Variants in PKHD1 observed in about 807,000 individuals in gnomAD.
The protein encoded by PKHD1 is PKHD1 ciliary IPT domain containing fibrocystin/polyductin.
Under a neutral mutation model 412.0 loss-of-function variants are expected in PKHD1, and 291 were observed. The observed-to-expected ratio is 0.71, with a 90% confidence interval of 0.64 to 0.78. The LOEUF (loss-of-function observed/expected upper bound fraction) is 0.78. PKHD1 is among the 30% of genes least tolerant of loss of function. The pLI is 0.00. For missense variants in PKHD1, 4,825 were observed against 4,950.7 expected (o/e 0.97, Z 0.76); for synonymous variants, 1,777 against 1,821.5 (o/e 0.98, Z 0.62).
At chr6:52,069,599 T>C (rs1810292296) in intron 10 of PKHD1, 72 bp from the exon 11 acceptor site, 2 of 1,125,452 alleles carry the variant, frequency 1.8e-6, no homozygotes, top group Admixed American at 1.7e-5. Context: ...GTCGGCTGCC[T>C]GAAAGGAAGA....
At chr6:51,851,749 G>A (rs1772289679) in intron 49 of PKHD1, among the ~76,000 whole-genome samples, 1 of 152,056 alleles carries the variant, frequency 6.6e-6, no homozygotes, top group African/African-American at 2.4e-5. Context: ...GGGGTCAGTG[G>A]TGATATCCCT....
intron 50 of PKHD1, among the ~76,000 whole-genome samples, chr6:51,838,050 T>A (rs12526340): frequency 0.053 from 8,062 of 152,294 alleles, 224 homozygotes; most frequent in South Asian, 0.075. Context: ...CAAGGTGTCA[T>A]TTCCTTTTTT....
intron 2 of PKHD1, among the ~76,000 whole-genome samples, chr6:52,084,209 C>G (rs1367578397): frequency 6.6e-6 from 1 of 152,232 alleles, no homozygotes; most frequent in Non-Finnish European, 1.5e-5. Flanking sequence ...TTAGAAGAAA[C>G]TGTGTCTAGC....
chr6:51,816,904 T>C (rs1270963383), intron 52 of PKHD1, among the ~76,000 whole-genome samples: 1 of 152,222 alleles, frequency 6.6e-6, no homozygotes, highest in South Asian at 2.1e-4. Context: ...GGTTTTTCTT[T>C]GAAAATACCC....
chr6:51,714,974 A>G (rs1466271401), intron 60 of PKHD1, among the ~76,000 whole-genome samples: 18 of 151,832 alleles, frequency 1.2e-4, no homozygotes, highest in Admixed American at 1.1e-3. Flanking sequence ...TTTTATTGGA[A>G]TTTTCACAAA....
chr6:51,748,397 C>A lies in PKHD1; in HGVS notation c.9219G>T (p.Trp3073Cys), dbSNP rs761075492. The A allele has an allele frequency of 4.3e-6, 7 of 1,614,040 alleles. No individual in the cohort carries two copies. The highest frequency in any genetic ancestry group is 5.9e-6 in the Non-Finnish European group (7 of 1,179,942). The change falls in exon 58 of 67, where the codon TGG becomes TGT. Residue 3073 changes from tryptophan to cysteine, a missense_variant. Physicochemically the swap from Trp to Cys is radical, Grantham distance 215. Coordinates refer to ENST00000371117, the MANE Select transcript of PKHD1 (RefSeq NM_138694.4). ...TGATTCCCGCCACCCAAATGGTGGA[C>A]CACGCTGGCTGTGTCATCAGAACCA... ...NLVVLMTQPA[W>C]STIWVAGIKV...
At chr6:51,691,570 C>A (rs1229727913) in intron 60 of PKHD1, among the ~76,000 whole-genome samples, 1 of 152,152 alleles carries the variant, frequency 6.6e-6, no homozygotes, top group Non-Finnish European at 1.5e-5. Flanking sequence ...AAACCAAATA[C>A]TGCATGTTCT....
chr6:51,747,655 A>C, intron 58 of PKHD1, 132 bp downstream of exon 58: 3 of 750,778 alleles, frequency 4.0e-6, no homozygotes, highest in Non-Finnish European at 6.9e-6. Flanking sequence ...GTGGCTATCA[A>C]TACTCAGCAG....
At position 51,735,969 on chromosome 6, in the gene PKHD1, T is replaced by A. The variant is rs1430584150; in HGVS notation, c.10156+8416A>T. Among the ~76,000 whole-genome samples the A allele has an allele frequency of 2.6e-5, 4 of 152,226 alleles. No homozygotes were observed. The East Asian group carries it at 5.8e-4, about 22-fold the overall frequency. Reference sequence around the variant, plus strand: ...AAATAAAAATAAAAACACAGTTCAATCTGAACCTTGTTAATTAGCTTTAGG... The same window carrying A: ...AAATAAAAATAAAAACACAGTTCAAACTGAACCTTGTTAATTAGCTTTAGG... On this transcript the variant is annotated intron_variant, in intron 60 of 66. Transcript: ENST00000371117.
chr6:51,849,864 G>A (rs1453923602), intron 49 of PKHD1, among the ~76,000 whole-genome samples: 1 of 152,146 alleles, frequency 6.6e-6, no homozygotes, highest in Non-Finnish European at 1.5e-5. Flanking sequence ...TCTGATGATA[G>A]TTTCTTTTGC....
chr6:51,922,195 G>C (rs901093354), intron 37 of PKHD1, among the ~76,000 whole-genome samples: 1 of 152,342 alleles, frequency 6.6e-6, no homozygotes, highest in East Asian at 1.9e-4. Context: ...CTCAGCTGCA[G>C]GTCTATTGGA....
chr6:51,795,070 A>G (rs541470864), intron 52 of PKHD1, among the ~76,000 whole-genome samples: 4 of 152,272 alleles, frequency 2.6e-5, no homozygotes, highest in African/African-American at 9.6e-5. Context: ...AAGAATCTTA[A>G]TGGTAGTTTA....
At chr6:52,023,050 C>T in intron 32 of PKHD1, 106 bp from the exon 33 acceptor site, 3 of 1,319,940 alleles carry the variant, frequency 2.3e-6, no homozygotes, top group Non-Finnish European at 3.2e-6. Context: ...CTTCTTTTCA[C>T]ATCCTCAGAA....
intron 43 of PKHD1, among the ~76,000 whole-genome samples, chr6:51,897,731 G>C (rs1780362804): frequency 7.0e-6 from 1 of 143,560 alleles, no homozygotes; most frequent in Non-Finnish European, 1.5e-5. Context: ...ATTGGATAAA[G>C]AGTCAAGACC....
chr6:51,634,180 T>A (rs541315216), intron 64 of PKHD1, among the ~76,000 whole-genome samples: 1 of 151,946 alleles, frequency 6.6e-6, no homozygotes, highest in Non-Finnish European at 1.5e-5. Flanking sequence ...GCAAAAAGAG[T>A]TTTTATTTTA....
intron 52 of PKHD1, among the ~76,000 whole-genome samples, chr6:51,803,951 G>A (rs1466522622): frequency 1.3e-5 from 2 of 151,220 alleles, no homozygotes; most frequent in Non-Finnish European, 2.9e-5. Context: ...CAGGTGATCT[G>A]CCTGCCTCAG....
At position 51,777,679 on chromosome 6, in the gene PKHD1, G is replaced by GAAA. The variant is rs59379021; in HGVS notation, c.8441-1761_8441-1759dup. ...ACGGAGGGTAGTTTAGAGTCTTTGGGAAAAAAAAAAAAAAAAAAAAAAAAA... is the reference window on the plus strand; with the variant it reads ...ACGGAGGGTAGTTTAGAGTCTTTGGGAAAAAAAAAAAAAAAAAAAAAAAAAAAA... On this transcript the variant is annotated intron_variant, in intron 53 of 66. Transcript: ENST00000371117. Among the ~76,000 whole-genome samples, 535 of 118,580 alleles carry GAAA rather than the reference G, an allele frequency of 4.5e-3. 10 individuals carry two copies. The highest frequency in any genetic ancestry group is 6.8e-3 in the Non-Finnish European group (391 of 57,386). 77.8% of individuals were successfully genotyped at this position (118,580 alleles called of 152,430 possible).
At chr6:52,074,185 G>C (rs1054719986) in intron 6 of PKHD1, among the ~76,000 whole-genome samples, 7 of 152,186 alleles carry the variant, frequency 4.6e-5, no homozygotes, top group African/African-American at 1.7e-4. Context: ...GACTCATGAG[G>C]TCATGAAATC....
At chr6:52,065,694 G>A (rs562553537) in intron 12 of PKHD1, among the ~76,000 whole-genome samples, 48 of 152,300 alleles carry the variant, frequency 3.2e-4, no homozygotes, top group Admixed American at 2.9e-3. Context: ...CCTTTGTCAA[G>A]AAGGAGCTGT....
Sources: allele counts gnomAD v4.1 joint callset (sites outside exome capture counted in the v4.1 genomes callset), GRCh38; gene constraint gnomAD v4.1.1; transcripts MANE v1.5; gene names NCBI Gene and HGNC (gene_info 2026-07-23, HGNC 2026-07-21).